The following SMYD3 variants were observed in gnomAD, a reference collection of about 807,000 sequenced individuals.
SMYD3 encodes the protein SET and MYND domain containing 3.
In SMYD3, 36 loss-of-function variants were observed where a neutral mutation model predicts 57.7. The ratio of observed to expected loss-of-function variants is 0.62; its 90% CI spans 0.48 to 0.82. The LOEUF (loss-of-function observed/expected upper bound fraction) is 0.82. SMYD3 is among the 40% of genes least tolerant of loss of function. SMYD3 has a pLI of 0.00. For missense variants in SMYD3, 515 were observed against 538.8 expected (o/e 0.96, Z 0.44); for synonymous variants, 211 against 195.0 (o/e 1.08, Z -0.68).
In SMYD3 at chr1:245,918,173, A is replaced by G. The variant is rs150444808; in HGVS notation, c.703-2533T>C. ...AGGCAACCATAACATGCTGCTCCAC[A>G]CACAGAAACAAGAATATCTGCCCTT... On this transcript the variant is annotated intron_variant, in intron 7 of 11. Transcript: ENST00000490107. Among the ~76,000 whole-genome samples, 91 of 152,314 alleles carry G rather than the reference A, an allele frequency of 6.0e-4. 1 individual carries two copies. The highest frequency in any genetic ancestry group is 2.1e-3 in the African/African-American group (86 of 41,580).
chr1:245,787,791 G>T (rs1367798085), intron 10 of SMYD3, among the ~76,000 whole-genome samples: 1 of 152,164 alleles, frequency 6.6e-6, no homozygotes, highest in African/African-American at 2.4e-5. Flanking sequence ...TTTCATCCGT[G>T]GGAAGGAAAA....
chr1:246,228,763 T>G (rs769836847), intron 5 of SMYD3, among the ~76,000 whole-genome samples: 1 of 152,140 alleles, frequency 6.6e-6, no homozygotes, highest in South Asian at 2.1e-4. Flanking sequence ...CATCACTTTA[T>G]GAAAAAAATT....
intron 5 of SMYD3, among the ~76,000 whole-genome samples, chr1:246,210,378 G>C (rs911925737): frequency 1.3e-5 from 2 of 152,144 alleles, no homozygotes; most frequent in Non-Finnish European, 2.9e-5. Context: ...GGCATGACTG[G>C]ATGGATAAAT....
At chr1:245,935,127 G>A (rs956666381) in intron 5 of SMYD3, among the ~76,000 whole-genome samples, 9 of 152,186 alleles carry the variant, frequency 5.9e-5, no homozygotes, top group African/African-American at 2.2e-4. Flanking sequence ...AACCCACAGA[G>A]TGGGAGAAAG....
chr1:246,168,670 G>C (rs996084139), intron 5 of SMYD3, among the ~76,000 whole-genome samples: 1 of 152,132 alleles, frequency 6.6e-6, no homozygotes, highest in African/African-American at 2.4e-5. Context: ...ATAAACCACA[G>C]TATATTGCTG....
chr1:245,766,672 T>C (rs999495192), intron 10 of SMYD3, among the ~76,000 whole-genome samples: 1 of 152,192 alleles, frequency 6.6e-6, no homozygotes, highest in South Asian at 2.1e-4. Flanking sequence ...TGGGGTGTTA[T>C]ATTATTACTA....
In SMYD3 at chr1:245,825,744, A is replaced by G. The variant is rs528108387; in HGVS notation, c.1076+32752T>C. On this transcript the variant is annotated intron_variant, in intron 10 of 11. Coordinates refer to ENST00000490107, the MANE Select transcript of SMYD3 (RefSeq NM_001167740.2). ...CTGAGCATGCTGAACATGTGTCATTATTCTAAATACATTTTTCTTTAATTC... is the reference window on the plus strand; with the variant it reads ...CTGAGCATGCTGAACATGTGTCATTGTTCTAAATACATTTTTCTTTAATTC... Among the ~76,000 whole-genome samples the G allele has an allele frequency of 5.3e-5, 8 of 152,208 alleles. No homozygotes were observed. In the South Asian group the frequency reaches 1.7e-3, roughly 32 times the overall value.
chr1:245,749,713 C>G, intron 11 of SMYD3, 49 bp from the exon 12 acceptor site: 1 of 1,455,690 alleles, frequency 6.9e-7, no homozygotes. Context: ...TAGGTGAGCT[C>G]AGGCCATTCC....
chr1:246,235,196 G>T (rs59056824), intron 5 of SMYD3, among the ~76,000 whole-genome samples: 31,572 of 152,076 alleles, frequency 0.21, 3,998 homozygotes, highest in East Asian at 0.58. Flanking sequence ...AGAAAAGACA[G>T]GAGTTAATAC....
At chr1:246,253,530 C>T (rs2063829144) in intron 5 of SMYD3, among the ~76,000 whole-genome samples, 1 of 152,194 alleles carries the variant, frequency 6.6e-6, no homozygotes, top group African/African-American at 2.4e-5. Flanking sequence ...TGCTAGGCAC[C>T]TAGGATGATA....
intron 6 of SMYD3, among the ~76,000 whole-genome samples, chr1:245,928,663 G>T (rs2056539696): frequency 6.6e-6 from 1 of 151,864 alleles, no homozygotes; most frequent in South Asian, 2.1e-4. Context: ...GACAGAGTGA[G>T]ACTCCATCTC....
intron 10 of SMYD3, among the ~76,000 whole-genome samples, chr1:245,771,396 T>C (rs144855453): frequency 9.8e-5 from 15 of 152,316 alleles, no homozygotes; most frequent in African/African-American, 3.6e-4. Context: ...ATCAGGGCAC[T>C]GGATTTTACT....
intron 5 of SMYD3, among the ~76,000 whole-genome samples, chr1:246,264,041 GTT>G (rs35429908): frequency 0.033 from 4,862 of 148,572 alleles, 205 homozygotes; most frequent in East Asian, 0.18. Context: ...AGAAATAAAT[GTT>G]TTTTTTTTTG....
intron 1 of SMYD3, among the ~76,000 whole-genome samples, chr1:246,419,770 AC>A (rs2102996059): frequency 6.6e-6 from 1 of 152,320 alleles, no homozygotes; most frequent in African/African-American, 2.4e-5. Context: ...AGAATCTAAT[AC>A]CTGATGATCC....
intron 5 of SMYD3, among the ~76,000 whole-genome samples, chr1:246,030,673 G>A (rs1156727569): frequency 6.6e-6 from 1 of 152,022 alleles, no homozygotes; most frequent in Non-Finnish European, 1.5e-5. Flanking sequence ...CCATAAATGT[G>A]TACAATTATT....
At chr1:246,100,647 G>A (rs1477226491) in intron 5 of SMYD3, among the ~76,000 whole-genome samples, 1 of 152,180 alleles carries the variant, frequency 6.6e-6, no homozygotes, top group Non-Finnish European at 1.5e-5. Context: ...CTCAGAGTTG[G>A]AAAAGGTCGG....
At chr1:246,335,307 T>G in intron 3 of SMYD3, 60 bp downstream of exon 3, 1 of 1,406,848 alleles carries the variant, frequency 7.1e-7, no homozygotes, top group East Asian at 2.3e-5. Flanking sequence ...TACCGGAAAA[T>G]GCAATTGCAT....
intron 5 of SMYD3, among the ~76,000 whole-genome samples, chr1:246,012,201 T>G (rs1236136419): frequency 2.0e-5 from 3 of 152,192 alleles, no homozygotes; most frequent in African/African-American, 4.8e-5. Context: ...ATAGAAAGCC[T>G]TAGGCTCCAT....
intron 10 of SMYD3, among the ~76,000 whole-genome samples, chr1:245,828,362 T>C (rs1056106325): frequency 6.6e-6 from 1 of 152,194 alleles, no homozygotes; most frequent in Non-Finnish European, 1.5e-5. Flanking sequence ...AAAATATAGA[T>C]TCACCTCATT....
Sources: gnomAD v4.1 joint callset for allele counts (sites outside exome capture counted in the v4.1 genomes callset) on GRCh38, gnomAD v4.1.1 for gene constraint, MANE v1.5 for transcripts, NCBI Gene and HGNC (gene_info 2026-07-23, HGNC 2026-07-21) for gene names.